PCLO: variants seen among roughly 807,000 people sequenced by gnomAD.
The protein encoded by PCLO is protein piccolo.
PCLO carries 82 observed loss-of-function variants against 427.5 expected under a neutral mutation model. That is an observed-to-expected ratio of 0.19 (90% CI 0.16 to 0.23). The LOEUF (loss-of-function observed/expected upper bound fraction) is 0.23. PCLO is among the 10% of genes least tolerant of loss of function. The pLI is 1.00. For missense variants in PCLO, 6,239 were observed against 6,115.9 expected (o/e 1.02, Z -0.67); for synonymous variants, 2,357 against 2,155.4 (o/e 1.09, Z -2.59).
At position 82,954,381 on chromosome 7, in the gene PCLO, A is replaced by T. The variant is rs1233508622; in HGVS notation, c.6572T>A (p.Val2191Asp). ...TPSLTSSVSS[V>D]CTTDSSSPIT... is the part of the protein sequence containing the mutation. Reference sequence around the variant, plus strand: ...GGGTGAAGAGCTATCTGTGGTACAGACCGAAGAAACAGATGATGTGAGAGA... The same window carrying T: ...GGGTGAAGAGCTATCTGTGGTACAGTCCGAAGAAACAGATGATGTGAGAGA... The change falls in exon 5 of 25, where the codon GTC becomes GAC. Residue 2191 changes from valine to aspartate, a missense_variant. Physicochemically the swap from Val to Asp is radical, Grantham distance 152. This residue lies in a region of PCLO where 4,677 missense variants were observed against 4,468.4 expected (regional missense o/e 1.05). Coordinates refer to ENST00000333891, the MANE Select transcript of PCLO (RefSeq NM_033026.6). The T allele has an allele frequency of 6.2e-7, 1 of 1,613,814 alleles. No individual in the cohort carries two copies. The highest frequency in any genetic ancestry group is 2.2e-5 in the East Asian group (1 of 44,872).
intron 3 of PCLO, among the ~76,000 whole-genome samples, chr7:83,109,154 C>T (rs1162668612): frequency 6.6e-6 from 1 of 152,118 alleles, no homozygotes. Context: ...CAGATGCCCA[C>T]ATCTATATCC....
intron 3 of PCLO, among the ~76,000 whole-genome samples, chr7:83,047,004 ATCT>A (rs1465569821): frequency 6.6e-6 from 1 of 152,086 alleles, no homozygotes; most frequent in Non-Finnish European, 1.5e-5. Flanking sequence ...TAGGTATAGT[ATCT>A]TAACCTGTTC....
At chr7:82,933,904 T>C (rs1794894086) in intron 6 of PCLO, among the ~76,000 whole-genome samples, 1 of 151,926 alleles carries the variant, frequency 6.6e-6, no homozygotes, top group African/African-American at 2.4e-5. Context: ...CTCAGAGAAA[T>C]GAATCTCTAA....
intron 3 of PCLO, among the ~76,000 whole-genome samples, chr7:83,003,834 T>A (rs28449172): frequency 3.3e-5 from 5 of 151,690 alleles, no homozygotes; most frequent in African/African-American, 4.8e-5. Flanking sequence ...CTGGCTTTCA[T>A]ATCGGGGTAA....
chr7:83,038,981 T>C (rs772159070), intron 3 of PCLO, among the ~76,000 whole-genome samples: 2 of 152,066 alleles, frequency 1.3e-5, no homozygotes, highest in Non-Finnish European at 2.9e-5. Context: ...CCCTGATGAC[T>C]AAAGATGTCA....
intron 20 of PCLO, among the ~76,000 whole-genome samples, chr7:82,817,235 C>T (rs1031145316): frequency 1.2e-4 from 19 of 152,118 alleles, no homozygotes; most frequent in African/African-American, 4.6e-4. Context: ...TTTTAAACTG[C>T]TCAAGGTTTA....
intron 2 of PCLO, among the ~76,000 whole-genome samples, chr7:83,148,334 TC>T (rs1250943611): frequency 6.6e-6 from 1 of 152,090 alleles, no homozygotes; most frequent in Non-Finnish European, 1.5e-5. Context: ...ACTACAACCC[TC>T]CCCTACTTCA....
intron 10 of PCLO, among the ~76,000 whole-genome samples, chr7:82,877,061 G>A (rs1793390555): frequency 6.6e-6 from 1 of 152,164 alleles, no homozygotes; most frequent in East Asian, 1.9e-4. Flanking sequence ...GGATTTAGTA[G>A]CAGTCTTAGA....
intron 16 of PCLO, among the ~76,000 whole-genome samples, chr7:82,833,755 A>C (rs1403138648): frequency 6.6e-6 from 1 of 152,182 alleles, no homozygotes; most frequent in Non-Finnish European, 1.5e-5. Context: ...CATTGCTAGC[A>C]ATAATAATAA....
chr7:83,162,434 C>T lies in PCLO; in HGVS notation c.159G>A (p.Arg53=). 1 of 1,596,876 alleles carries T rather than the reference C, an allele frequency of 6.3e-7. No individual in the cohort carries two copies. The highest frequency in any genetic ancestry group is 8.5e-7 in the Non-Finnish European group (1 of 1,171,640). ...ADLSQLSEEE[R]RQIAAVMSRA... ...TTGACATGACAGCGGCGATCTGTCT[C>T]CTCTCCTCTTCGCTCAGCTGGCTCA... Residue 53 remains arginine (R), a synonymous_variant, in exon 1 of 25, where the codon AGG becomes AGA. Transcript: ENST00000333891.
rs191938238 is a variant in PCLO at position 82,855,740 on chromosome 7, T to C, written c.13655-8493A>G. Among the ~76,000 whole-genome samples the C allele has an allele frequency of 2.5e-3, 382 of 152,196 alleles. 1 individual carries two copies. Among genetic ancestry groups the C allele is most frequent in the Non-Finnish European group, 4.5e-3 (305 of 68,004 alleles). On this transcript the variant is annotated intron_variant, in intron 10 of 24. Transcript: ENST00000333891. ...TCCCAGAAGAGAAGACAATGTCGTA[T>C]TTCTCCAGGGAGATTGATGAAAAAT...
intron 4 of PCLO, among the ~76,000 whole-genome samples, chr7:82,964,463 G>C (rs1046041165): frequency 1.3e-5 from 2 of 152,104 alleles, no homozygotes; most frequent in African/African-American, 4.8e-5. Flanking sequence ...GTACATAAGT[G>C]GATTCAAAAA....
chr7:82,851,210 TG>T (rs1267710026), intron 10 of PCLO, among the ~76,000 whole-genome samples: 1 of 151,732 alleles, frequency 6.6e-6, no homozygotes, highest in Non-Finnish European at 1.5e-5. Flanking sequence ...AAATTCTTTG[TG>T]GGTATGTATT....
intron 6 of PCLO, among the ~76,000 whole-genome samples, chr7:82,949,256 T>TACACACACAC (rs369915572): frequency 1.3e-3 from 192 of 149,804 alleles, no homozygotes; most frequent in African/African-American, 4.4e-3. Context: ...TATGGTTTCC[T>TACACACACAC]ACACACACAC....
chr7:82,924,781 A>G (rs1014630816), intron 6 of PCLO, among the ~76,000 whole-genome samples: 2 of 152,068 alleles, frequency 1.3e-5, no homozygotes, highest in Admixed American at 1.3e-4. Context: ...AATTCAAGAA[A>G]CTCCTACTAT....
chr7:82,868,592 C>T (rs1361729868), intron 10 of PCLO, among the ~76,000 whole-genome samples: 3 of 152,200 alleles, frequency 2.0e-5, no homozygotes, highest in African/African-American at 7.2e-5. Flanking sequence ...CATTTCCTCA[C>T]AGAATACCTA....
intron 3 of PCLO, among the ~76,000 whole-genome samples, chr7:83,060,771 C>G (rs1255230216): frequency 2.0e-5 from 3 of 152,128 alleles, no homozygotes; most frequent in African/African-American, 7.2e-5. Context: ...AAGCACTGCT[C>G]TCTTTTCCTT....
chr7:82,873,918 A>G (rs1793303294), intron 10 of PCLO, among the ~76,000 whole-genome samples: 2 of 152,182 alleles, frequency 1.3e-5, no homozygotes, highest in Non-Finnish European at 2.9e-5. Flanking sequence ...ATAAACCTAA[A>G]GTAAATGTAT....
At chr7:82,809,679 C>A (rs1791528849) in intron 20 of PCLO, among the ~76,000 whole-genome samples, 1 of 151,506 alleles carries the variant, frequency 6.6e-6, no homozygotes, top group South Asian at 2.1e-4. Flanking sequence ...GATAATTTCA[C>A]TTTTTAAATC....
Sources: allele counts gnomAD v4.1 joint callset (sites outside exome capture counted in the v4.1 genomes callset), GRCh38; gene constraint gnomAD v4.1.1; regional missense constraint gnomAD v4.1.1; transcripts MANE v1.5; gene names NCBI Gene and HGNC (gene_info 2026-07-23, HGNC 2026-07-21).